Variants in MYH16 observed in about 807,000 individuals in gnomAD.
The protein encoded by MYH16 is putative uncharacterized protein MYH16.
At chr7:99,291,679 C>T (rs2150828216) in intron 31 of MYH16, among the ~76,000 whole-genome samples, 1 of 126,910 alleles carries the variant, frequency 7.9e-6, no homozygotes, top group South Asian at 2.5e-4. Context: ...AAAAAAGCTG[C>T]TGGGCATGGT....
chr7:99,245,507 A>T (rs1167592482), intron 2 of MYH16, among the ~76,000 whole-genome samples: 1 of 151,946 alleles, frequency 6.6e-6, no homozygotes, highest in Non-Finnish European at 1.5e-5. Context: ...TTATTTAATG[A>T]TGTAATTGGT....
chr7:99,270,921 G>A (rs1041138540), intron 18 of MYH16: 4 of 152,526 alleles, frequency 2.6e-5, no homozygotes, highest in Non-Finnish European at 4.4e-5. Flanking sequence ...ATCGGTGACA[G>A]CCGGGCTTTT....
At chr7:99,284,523 A>T (rs1792249498) in intron 25 of MYH16, among the ~76,000 whole-genome samples, 1 of 152,204 alleles carries the variant, frequency 6.6e-6, no homozygotes, top group African/African-American at 2.4e-5. Flanking sequence ...CAGGAGGTCA[A>T]GGCTGCAGTG....
chr7:99,308,928 C>CA (rs930842661), downstream of MYH16, among the ~76,000 whole-genome samples: 69 of 152,194 alleles, frequency 4.5e-4, no homozygotes, highest in African/African-American at 1.3e-3. Flanking sequence ...CCTATCTCTA[C>CA]AAAAAAATGT....
intron 21 of MYH16, among the ~76,000 whole-genome samples, chr7:99,279,134 T>C (rs1206269277): frequency 6.6e-6 from 1 of 152,044 alleles, no homozygotes; most frequent in Non-Finnish European, 1.5e-5. Context: ...GAGGCTGCAG[T>C]GAGCCATGAT....
intron 1 of MYH16, among the ~76,000 whole-genome samples, chr7:99,240,342 A>G (rs895194056): frequency 7.9e-5 from 12 of 152,160 alleles, no homozygotes; most frequent in African/African-American, 2.9e-4. Flanking sequence ...TGGGCTGCCA[A>G]GAGGGAGGCA....
intron 2 of MYH16, among the ~76,000 whole-genome samples, chr7:99,243,783 A>G (rs1205216791): frequency 6.6e-6 from 1 of 150,440 alleles, no homozygotes; most frequent in Non-Finnish European, 1.5e-5. Context: ...TCATCCATCT[A>G]TCCATTCATT....
At chr7:99,280,702 G>A (rs886865458) in intron 22 of MYH16, among the ~76,000 whole-genome samples, 174 bp from the exon 5 acceptor site, 20 of 152,076 alleles carry the variant, frequency 1.3e-4, no homozygotes, top group African/African-American at 4.8e-4. Flanking sequence ...ACCACACTTT[G>A]AGAAGCCAAG....
At chr7:99,279,547 C>A (rs951120983) in exon 22 of MYH16, 2 of 456,504 alleles carry the variant, frequency 4.4e-6, no homozygotes, top group Non-Finnish European at 8.8e-6. Context: ...GAGCGCCTGA[C>A]ATGGATGATG....
exon 25 of MYH16, chr7:99,283,941 G>A: frequency 2.2e-6 from 1 of 456,708 alleles, no homozygotes; most frequent in Non-Finnish European, 4.4e-6. Context: ...GGAAAGCTGA[G>A]AGTGACCTGA....
chr7:99,299,055 C>T (rs370535315), intron 36 of MYH16, among the ~76,000 whole-genome samples: 4 of 148,686 alleles, frequency 2.7e-5, no homozygotes, highest in South Asian at 2.1e-4. Flanking sequence ...AGCAAAACCC[C>T]GCTCTACAAA....
chr7:99,275,053 G>A (rs895331866), intron 20 of MYH16, among the ~76,000 whole-genome samples: 13 of 152,038 alleles, frequency 8.6e-5, no homozygotes, highest in African/African-American at 3.1e-4. Flanking sequence ...AGAGTGCAGT[G>A]ATGCAATCAT....
At chr7:99,281,074 G>T in intron 23 of MYH16, 94 bp downstream of exon 5, 1 of 203,016 alleles carries the variant, frequency 4.9e-6, no homozygotes, top group Non-Finnish European at 1.1e-5. Context: ...TCAAATCCTG[G>T]CCCTGCCGCC....
intron 20 of MYH16, among the ~76,000 whole-genome samples, chr7:99,274,767 G>A (rs112596264): frequency 0.015 from 2,191 of 147,202 alleles, 65 homozygotes; most frequent in African/African-American, 0.054. Flanking sequence ...TCCGCCTCCC[G>A]GGTTCAAGTT....
At chr7:99,249,941 C>T (rs1365476915) in intron 4 of MYH16, 1 of 152,850 alleles carries the variant, frequency 6.5e-6, no homozygotes, top group African/African-American at 2.4e-5. Flanking sequence ...GACCACCCCT[C>T]TTCCTGCTTC....
chr7:99,283,507 A>T (rs778037967), intron 23 of MYH16, 58 bp from the exon 6 acceptor site: 1 of 453,934 alleles, frequency 2.2e-6, no homozygotes, highest in Non-Finnish European at 4.4e-6. Flanking sequence ...GAGGATCAGG[A>T]CTGTTCAGCT....
chr7:99,293,176 C>T (rs969137187), intron 32 of MYH16, among the ~76,000 whole-genome samples: 1 of 152,132 alleles, frequency 6.6e-6, no homozygotes, highest in Non-Finnish European at 1.5e-5. Context: ...TAACAAACTC[C>T]TCTATAGACT....
intron 20 of MYH16, 23 bp downstream of exon 2, chr7:99,273,446 A>G (rs1562779137): frequency 2.2e-6 from 1 of 456,626 alleles, no homozygotes; most frequent in East Asian, 6.9e-5. Flanking sequence ...GGGCCAGGCC[A>G]GGGGGGACTG....
At chr7:99,303,719 C>G (rs1792640472) in intron 39 of MYH16, among the ~76,000 whole-genome samples, 1 of 152,190 alleles carries the variant, frequency 6.6e-6, no homozygotes, top group African/African-American at 2.4e-5. Context: ...GGAGGATCAC[C>G]TGAACCCAGG....
Sources: allele counts gnomAD v4.1 joint callset (sites outside exome capture counted in the v4.1 genomes callset), GRCh38; gene constraint gnomAD v4.1.1; transcripts MANE v1.5; gene names NCBI Gene and HGNC (gene_info 2026-07-23, HGNC 2026-07-21).